Variants in ADGRB3 observed in about 807,000 individuals in gnomAD.
ADGRB3 encodes the protein brain-specific angiogenesis inhibitor 3.
A neutral mutation model predicts 193.4 loss-of-function variants in ADGRB3; 37 were observed. The observed-to-expected ratio is 0.19, with a 90% CI of 0.15 to 0.25. The LOEUF (loss-of-function observed/expected upper bound fraction) is 0.25, where lower values mean the gene tolerates loss of function less well. Ranked by LOEUF, ADGRB3 falls within the 10% of genes least tolerant of loss-of-function variation. The pLI, the probability that ADGRB3 is intolerant of heterozygous loss-of-function variation, is 1.00. For missense variants in ADGRB3, 1,637 were observed against 1,852.9 expected (o/e 0.88, Z 2.14); for synonymous variants, 690 against 644.2 (o/e 1.07, Z -1.08).
intron 3 of ADGRB3, among the ~76,000 whole-genome samples, chr6:68,673,176 A>G (rs1168044841): frequency 1.3e-5 from 2 of 152,148 alleles, no homozygotes; most frequent in Non-Finnish European, 2.9e-5. Context: ...GGGTATAAAA[A>G]TAACTGAAAA....
chr6:68,817,673 T>G (rs1767663701), intron 3 of ADGRB3, among the ~76,000 whole-genome samples: 1 of 151,938 alleles, frequency 6.6e-6, no homozygotes, highest in African/African-American at 2.4e-5. Context: ...GGTAAAAATA[T>G]CTATGATAGT....
At chr6:69,169,548 A>G (rs1775219906) in intron 17 of ADGRB3, among the ~76,000 whole-genome samples, 1 of 149,966 alleles carries the variant, frequency 6.7e-6, no homozygotes, top group East Asian at 1.9e-4. Context: ...TAATATAAGC[A>G]CGAATTGTGA....
chr6:68,809,470 G>A (rs1436445379), intron 3 of ADGRB3, among the ~76,000 whole-genome samples: 1 of 152,130 alleles, frequency 6.6e-6, no homozygotes, highest in East Asian at 1.9e-4. Flanking sequence ...AATAGACAAT[G>A]GTGGCTGATT....
chr6:68,788,726 T>G (rs1417774344), intron 3 of ADGRB3, among the ~76,000 whole-genome samples: 1 of 152,144 alleles, frequency 6.6e-6, no homozygotes, highest in Non-Finnish European at 1.5e-5. Flanking sequence ...TTTCTGTCTC[T>G]TTGATCTGTC....
intron 13 of ADGRB3, among the ~76,000 whole-genome samples, chr6:69,036,498 G>A (rs1171326650): frequency 6.6e-6 from 1 of 151,962 alleles, no homozygotes; most frequent in Non-Finnish European, 1.5e-5. Flanking sequence ...TAAGATCTTA[G>A]CACGTAACAA....
At chr6:69,153,239 C>T (rs1774730391) in intron 17 of ADGRB3, among the ~76,000 whole-genome samples, 1 of 152,152 alleles carries the variant, frequency 6.6e-6, no homozygotes, top group South Asian at 2.1e-4. Flanking sequence ...AAAAAGAGAA[C>T]TATAAAGTTG....
At chr6:68,845,752 C>G (rs1768261615) in intron 3 of ADGRB3, among the ~76,000 whole-genome samples, 1 of 152,130 alleles carries the variant, frequency 6.6e-6, no homozygotes, top group Non-Finnish European at 1.5e-5. Flanking sequence ...ACTGTAAGTC[C>G]AATTAAACTT....
At chr6:68,821,809 A>G (rs1395554480) in intron 3 of ADGRB3, among the ~76,000 whole-genome samples, 1 of 151,956 alleles carries the variant, frequency 6.6e-6, no homozygotes, top group Non-Finnish European at 1.5e-5. Context: ...ATTAAGAAAT[A>G]AAAGGATTTA....
At chr6:69,114,557 G>T (rs1232415270) in intron 17 of ADGRB3, among the ~76,000 whole-genome samples, 2 of 152,064 alleles carry the variant, frequency 1.3e-5, no homozygotes, top group Non-Finnish European at 2.9e-5. Context: ...CATTGGTTTT[G>T]GTGTTTTAGT....
intron 13 of ADGRB3, among the ~76,000 whole-genome samples, chr6:69,043,281 GAAGAAAGAGAGAAAGAAAGAAAGA>G (rs1771126110): frequency 2.0e-4 from 2 of 9,952 alleles, no homozygotes; most frequent in Middle Eastern, 0.1. Flanking sequence ...AAAAGGAAAG[GAAGAAAGAGAGAAAGAAAGAAAGA>G]AAGAAAGAAA....
chr6:68,636,367 GACTAA>G (rs1430176530), intron 1 of ADGRB3, among the ~76,000 whole-genome samples: 5 of 151,922 alleles, frequency 3.3e-5, no homozygotes, highest in African/African-American at 9.7e-5. Flanking sequence ...GTCTATGTTC[GACTAA>G]ACTAAAGTGT....
chr6:68,926,034 C>G (rs555548572), intron 3 of ADGRB3, among the ~76,000 whole-genome samples: 1 of 152,100 alleles, frequency 6.6e-6, no homozygotes, highest in African/African-American at 2.4e-5. Context: ...TCATACATAA[C>G]TAATTTTCAA....
At chr6:69,055,719 C>A (rs954892462) in intron 15 of ADGRB3, among the ~76,000 whole-genome samples, 2 of 152,144 alleles carry the variant, frequency 1.3e-5, no homozygotes, top group Non-Finnish European at 2.9e-5. Context: ...AAAGCAGCTG[C>A]ACCATTTCAC....
chr6:68,902,412 GAA>G (rs1196511991), intron 3 of ADGRB3, among the ~76,000 whole-genome samples: 1 of 151,912 alleles, frequency 6.6e-6, no homozygotes, highest in Non-Finnish European at 1.5e-5. Flanking sequence ...CATTACGCAA[GAA>G]ACAGTAGACT....
chr6:68,870,468 C>T (rs1250164607), intron 3 of ADGRB3, among the ~76,000 whole-genome samples: 1 of 152,190 alleles, frequency 6.6e-6, no homozygotes, highest in African/African-American at 2.4e-5. Context: ...CAAGTTTCCA[C>T]AGCTCCTATT....
chr6:68,824,208 A>C (rs1010647176), intron 3 of ADGRB3, among the ~76,000 whole-genome samples: 5 of 127,206 alleles, frequency 3.9e-5, no homozygotes, highest in African/African-American at 1.5e-4. Context: ...TCTATTTGCC[A>C]TGTCTCTTAA....
Position 68,741,477 on chromosome 6 carries a change from C to T in ADGRB3, c.757+102045C>T, listed in dbSNP as rs541935927. ...CATGGCTCAACTGCAACCTCCACCT[C>T]GCCAGCTCAAGCCATCCTCCAACCT... is the stretch of plus-strand genomic sequence containing the variant. On this transcript the variant is annotated intron_variant, in intron 3 of 31. Transcript: ENST00000370598. 1.4e-4 allele frequency among the ~76,000 whole-genome samples: 21 copies of T among 152,234 alleles called. No homozygotes were observed. In the South Asian group the frequency reaches 3.7e-3, roughly 27 times the overall value.
chr6:69,258,230 A>C (rs543054518), intron 20 of ADGRB3, among the ~76,000 whole-genome samples: 2 of 152,366 alleles, frequency 1.3e-5, no homozygotes, highest in South Asian at 2.1e-4. Context: ...GAGGAAATCT[A>C]GCAAGGTACA....
Position 69,224,336 on chromosome 6 carries a change from A to G in ADGRB3, c.2481-8954A>G, listed in dbSNP as rs574693011. Reference sequence around the variant, plus strand: ...TCACTTGAAAACTAGTGTAGAAAGTAACATATGTTTAAATGTGCTCTATTT... The same window carrying G: ...TCACTTGAAAACTAGTGTAGAAAGTGACATATGTTTAAATGTGCTCTATTT... On this transcript the variant is annotated intron_variant, in intron 17 of 31. Coordinates refer to ENST00000370598, the MANE Select transcript of ADGRB3 (RefSeq NM_001704.3). Among the ~76,000 whole-genome samples, 122 of 152,252 alleles carry G rather than the reference A, an allele frequency of 8.0e-4. 1 individual carries two copies. The highest frequency in any genetic ancestry group is 1.7e-3 in the Non-Finnish European group (115 of 67,994).
Sources: allele counts gnomAD v4.1 joint callset (sites outside exome capture counted in the v4.1 genomes callset), GRCh38; gene constraint gnomAD v4.1.1; transcripts MANE v1.5; gene names NCBI Gene and HGNC (gene_info 2026-07-23, HGNC 2026-07-21).